Variants in IP6K1 observed in about 807,000 individuals in gnomAD.
The protein encoded by IP6K1 is inositol hexakisphosphate kinase 1.
IP6K1 carries 13 observed loss-of-function variants against 38.3 expected under a neutral mutation model. That is an observed-to-expected ratio of 0.34 (90% CI 0.22 to 0.54). The LOEUF is 0.54. Among genes scored for constraint, IP6K1 ranks in the 20% least tolerant of loss-of-function variants. The pLI, the probability that IP6K1 is intolerant of heterozygous loss-of-function variation, is 0.92. For missense variants in IP6K1, 397 were observed against 599.8 expected, an observed-to-expected ratio of 0.66 and a Z score of 3.53; for synonymous variants, 212 against 229.9, an observed-to-expected ratio of 0.92 and a Z score of 0.70.
intron 1 of IP6K1, among the ~76,000 whole-genome samples, chr3:49,753,107 C>T (rs1479705353): frequency 6.6e-6 from 1 of 152,108 alleles, no homozygotes; most frequent in African/African-American, 2.4e-5. Context: ...AAAAAGTCCA[C>T]AAGCTCTGCA....
intron 2 of IP6K1, among the ~76,000 whole-genome samples, chr3:49,746,718 G>A (rs765851547): frequency 1.3e-5 from 2 of 149,812 alleles, no homozygotes; most frequent in Admixed American, 6.6e-5. Flanking sequence ...CACTGTGCCC[G>A]GCCAAGAATG....
intron 1 of IP6K1, among the ~76,000 whole-genome samples, chr3:49,775,815 G>A (rs548239758): frequency 1.3e-5 from 2 of 151,988 alleles, no homozygotes; most frequent in Non-Finnish European, 2.9e-5. Flanking sequence ...AGAGCACTCT[G>A]GCACACTGTA....
In IP6K1 at chr3:49,737,102, G is replaced by A. The variant is rs1367308785; in HGVS notation, c.434+1110C>T. 9.5e-5 allele frequency among the ~76,000 whole-genome samples: 14 copies of A among 147,202 alleles called. No individual in the cohort carries two copies. In the Admixed American group the frequency reaches 9.5e-4, roughly 10 times the overall value. Reference sequence around the variant, plus strand: ...TTTTTTTTTTTTTTTTTAGAGATGGGGTCTCACTATGTTGCCCAAGCTGGT... The same window carrying A: ...TTTTTTTTTTTTTTTTTAGAGATGGAGTCTCACTATGTTGCCCAAGCTGGT... On this transcript the variant is annotated intron_variant, in intron 3 of 5. Transcript: ENST00000321599.
intron 3 of IP6K1, among the ~76,000 whole-genome samples, chr3:49,736,643 A>T (rs915457632): frequency 1.3e-5 from 2 of 152,236 alleles, no homozygotes; most frequent in Non-Finnish European, 2.9e-5. Flanking sequence ...GTTAGCCAGA[A>T]ACTGGAAACA....
intron 1 of IP6K1, among the ~76,000 whole-genome samples, chr3:49,773,567 C>T (rs546521561): frequency 3.3e-5 from 5 of 152,216 alleles, no homozygotes; most frequent in South Asian, 2.1e-4. Context: ...GCCAGTGAGC[C>T]GAGATCGCAC....
At chr3:49,763,189 C>T (rs1440683268) in intron 1 of IP6K1, among the ~76,000 whole-genome samples, 3 of 151,040 alleles carry the variant, frequency 2.0e-5, no homozygotes, top group East Asian at 2.0e-4. Context: ...CTGCAAGCTC[C>T]GCCTCCCGGG....
chr3:49,734,119 CAGAT>C (rs926626783), intron 3 of IP6K1, among the ~76,000 whole-genome samples: 3 of 152,064 alleles, frequency 2.0e-5, no homozygotes, highest in Non-Finnish European at 4.4e-5. Flanking sequence ...GCCTGGGAAA[CAGAT>C]AGACCATGTC....
chr3:49,726,926 TGA>T lies in IP6K1; in HGVS notation c.*194_*195del, dbSNP rs1417777715. ...GAGCCACAAAGCTGAGGAGCCTGGC[TGA>T]GAGGGCGTGTGGTCTGCCCTCCTTC... On this transcript the variant is annotated 3_prime_UTR_variant, in exon 6 of 6. Transcript: ENST00000321599. 2 of 576,134 alleles carry T rather than the reference TGA, an allele frequency of 3.5e-6. No individual in the cohort carries two copies. The highest frequency in any genetic ancestry group is 5.9e-6 in the Non-Finnish European group (2 of 338,086). 35.7% of individuals were successfully genotyped at this position (576,134 alleles called of 1,614,324 possible). A position where few individuals can be genotyped will look rare whatever the true frequency, so the allele number is the denominator to read the frequency against.
At chr3:49,778,569 G>A (rs2081038658) in intron 1 of IP6K1, among the ~76,000 whole-genome samples, 1 of 152,110 alleles carries the variant, frequency 6.6e-6, no homozygotes, top group Non-Finnish European at 1.5e-5. Context: ...GGAGGCAGAG[G>A]TTGTAGTGAG....
At chr3:49,764,813 A>G (rs968110580) in intron 1 of IP6K1, among the ~76,000 whole-genome samples, 10 of 151,188 alleles carry the variant, frequency 6.6e-5, no homozygotes. Flanking sequence ...TGGGAGGCGG[A>G]GGTTGCAGTG....
At chr3:49,749,192 G>A (rs977772706) in intron 1 of IP6K1, among the ~76,000 whole-genome samples, 1 of 152,188 alleles carries the variant, frequency 6.6e-6, no homozygotes, top group African/African-American at 2.4e-5. Context: ...TCATGGACCA[G>A]TACCCAGGGA....
intron 3 of IP6K1, among the ~76,000 whole-genome samples, chr3:49,734,561 CTCTCCA>C (rs386660848): frequency 0.24 from 36,299 of 151,642 alleles, 4,872 homozygotes; most frequent in Non-Finnish European, 0.31. Context: ...AATGCTAACC[CTCTCCA>C]AGGGTCAGCT....
At chr3:49,742,345 T>A (rs796506768) in intron 2 of IP6K1, among the ~76,000 whole-genome samples, 3 of 151,888 alleles carry the variant, frequency 2.0e-5, no homozygotes, top group Non-Finnish European at 4.4e-5. Flanking sequence ...GTCAGGAGAT[T>A]GAGACCATCC....
chr3:49,753,368 T>C (rs1361174694), intron 1 of IP6K1, among the ~76,000 whole-genome samples: 1 of 152,182 alleles, frequency 6.6e-6, no homozygotes. Context: ...ATGAAAGGTC[T>C]ATCCTACCCT....
chr3:49,770,187 T>G (rs2080945049), intron 1 of IP6K1, among the ~76,000 whole-genome samples: 1 of 152,080 alleles, frequency 6.6e-6, no homozygotes, highest in African/African-American at 2.4e-5. Context: ...ACTTCTGAAT[T>G]CCTAGCCCTC....
At chr3:49,744,090 ATATT>A (rs2080699281) in intron 2 of IP6K1, among the ~76,000 whole-genome samples, 1 of 151,750 alleles carries the variant, frequency 6.6e-6, no homozygotes, top group South Asian at 2.1e-4. Context: ...CATTCCTTCT[ATATT>A]TATTAATCAA....
intron 1 of IP6K1, among the ~76,000 whole-genome samples, chr3:49,783,443 T>G (rs1200699130): frequency 6.6e-6 from 1 of 151,250 alleles, no homozygotes; most frequent in African/African-American, 2.4e-5. Context: ...CTGGGTGCAG[T>G]AGCTCTCGCC....
intron 3 of IP6K1, among the ~76,000 whole-genome samples, chr3:49,737,697 A>G (rs1490466771): frequency 6.6e-6 from 1 of 152,228 alleles, no homozygotes; most frequent in Non-Finnish European, 1.5e-5. Context: ...ACAAAAAAAC[A>G]TAATTTGAAC....
At chr3:49,760,949 C>T (rs938372341) in intron 1 of IP6K1, among the ~76,000 whole-genome samples, 5 of 152,188 alleles carry the variant, frequency 3.3e-5, no homozygotes, top group Non-Finnish European at 5.9e-5. Flanking sequence ...TGAAAAAACA[C>T]TTTTCAAATA....
Sources: allele counts gnomAD v4.1 joint callset (sites outside exome capture counted in the v4.1 genomes callset), GRCh38; gene constraint gnomAD v4.1.1; transcripts MANE v1.5; gene names NCBI Gene and HGNC (gene_info 2026-07-23, HGNC 2026-07-21).